The following CNBD1 variants were observed in gnomAD, a reference collection of about 807,000 sequenced individuals.
The protein encoded by CNBD1 is cyclic nucleotide-binding domain-containing protein 1.
In CNBD1, 71 loss-of-function variants were observed where a neutral mutation model predicts 54.4. The ratio of observed to expected loss-of-function variants is 1.30; its 90% CI spans 1.08 to 1.59. The LOEUF (loss-of-function observed/expected upper bound fraction) is 1.59. Among genes scored for constraint, CNBD1 ranks in the 40% most tolerant of loss-of-function variants. The pLI, the probability that CNBD1 is intolerant of heterozygous loss-of-function variation, is 0.00. For missense variants in CNBD1, 659 were observed against 518.0 expected (o/e 1.27, Z -2.64); for synonymous variants, 182 against 170.7 (o/e 1.07, Z -0.51).
intron 6 of CNBD1, among the ~76,000 whole-genome samples, chr8:87,266,912 TGAAAG>T (rs1157705370): frequency 6.6e-6 from 1 of 152,030 alleles, no homozygotes; most frequent in African/African-American, 2.4e-5. Context: ...TGCCTAATGA[TGAAAG>T]GAAAGACTTC....
chr8:87,173,000 T>A (rs1179659201), intron 4 of CNBD1, among the ~76,000 whole-genome samples: 1 of 152,124 alleles, frequency 6.6e-6, no homozygotes, highest in East Asian at 1.9e-4. Flanking sequence ...TCTGGTCATA[T>A]GATTTAATTT....
chr8:86,880,714 C>T (rs945043003), intron 1 of CNBD1, among the ~76,000 whole-genome samples: 1 of 151,946 alleles, frequency 6.6e-6, no homozygotes, highest in South Asian at 2.1e-4. Flanking sequence ...GTTATAGATA[C>T]AACAACAAAA....
chr8:86,886,318 T>A (rs544083249), intron 1 of CNBD1, among the ~76,000 whole-genome samples: 1 of 152,298 alleles, frequency 6.6e-6, no homozygotes, highest in African/African-American at 2.4e-5. Context: ...AATAAATTAT[T>A]CCATATGACG....
chr8:87,414,554 G>T (rs963447008), intron 2 of CNBD1, among the ~76,000 whole-genome samples: 1 of 151,594 alleles, frequency 6.6e-6, no homozygotes, highest in Non-Finnish European at 1.5e-5. Context: ...ATATGTACTG[G>T]ATATATGTGG....
chr8:87,305,782 G>A (rs913594636), intron 8 of CNBD1, among the ~76,000 whole-genome samples: 2 of 152,074 alleles, frequency 1.3e-5, no homozygotes, highest in Non-Finnish European at 2.9e-5. Flanking sequence ...ATAAACCTAA[G>A]ACTTGAAACT....
intron 4 of CNBD1, among the ~76,000 whole-genome samples, chr8:86,970,921 T>G (rs1808205623): frequency 6.6e-6 from 1 of 152,226 alleles, no homozygotes; most frequent in Admixed American, 6.5e-5. Flanking sequence ...TTAATTTCAG[T>G]TATACGTTTA....
At chr8:87,109,541 T>TTTCTTTCTTTC (rs576791867) in intron 4 of CNBD1, among the ~76,000 whole-genome samples, 1 of 50,116 alleles carries the variant, frequency 2.0e-5, no homozygotes, top group African/African-American at 1.2e-4. Flanking sequence ...TCTTTCTTTC[T>TTTCTTTCTTTC]TTTTTTTTTT....
chr8:87,379,535 T>C (rs888689457), intron 10 of CNBD1, among the ~76,000 whole-genome samples: 1 of 151,922 alleles, frequency 6.6e-6, no homozygotes. Flanking sequence ...AACTATCTCT[T>C]GTTTGTTAAA....
At chr8:87,066,341 A>C (rs1387636378) in intron 4 of CNBD1, among the ~76,000 whole-genome samples, 1 of 151,930 alleles carries the variant, frequency 6.6e-6, no homozygotes, top group African/African-American at 2.4e-5. Context: ...ACATAGTTAC[A>C]CTACCCCAGT....
chr8:86,941,997 A>G (rs572382721), intron 4 of CNBD1, among the ~76,000 whole-genome samples: 2 of 152,322 alleles, frequency 1.3e-5, no homozygotes, highest in South Asian at 4.1e-4. Flanking sequence ...TTGACATGGC[A>G]AAACTCACTG....
intron 8 of CNBD1, among the ~76,000 whole-genome samples, chr8:87,339,379 G>C (rs1015615094): frequency 6.6e-6 from 1 of 151,962 alleles, no homozygotes; most frequent in Non-Finnish European, 1.5e-5. Flanking sequence ...CTACGCTCGC[G>C]TCATTTCCCA....
At chr8:87,087,257 A>ATG (rs1369304684) in intron 4 of CNBD1, among the ~76,000 whole-genome samples, 1 of 142,032 alleles carries the variant, frequency 7.0e-6, no homozygotes, top group African/African-American at 2.7e-5. Context: ...GTATATATAT[A>ATG]TATACATATA....
chr8:86,970,983 C>A (rs754819084), intron 4 of CNBD1, among the ~76,000 whole-genome samples: 1 of 152,034 alleles, frequency 6.6e-6, no homozygotes, highest in Non-Finnish European at 1.5e-5. Flanking sequence ...CAGTTCTTTG[C>A]CAAAAATCTT....
chr8:86,877,425 T>C (rs1388291705), intron 1 of CNBD1, among the ~76,000 whole-genome samples: 3 of 152,176 alleles, frequency 2.0e-5, no homozygotes, highest in African/African-American at 7.2e-5. Context: ...CCAAATAATA[T>C]CTCTGAGGTT....
chr8:87,146,873 G>T (rs924444906), intron 4 of CNBD1, among the ~76,000 whole-genome samples: 42 of 151,852 alleles, frequency 2.8e-4, no homozygotes, highest in African/African-American at 9.0e-4. Flanking sequence ...TTTTAACCAA[G>T]GTATGTGTAT....
chr8:87,147,426 T>G (rs1029812495), intron 4 of CNBD1, among the ~76,000 whole-genome samples: 2 of 152,076 alleles, frequency 1.3e-5, no homozygotes, highest in African/African-American at 4.8e-5. Context: ...GAATTAATAC[T>G]TTATTTTTTT....
intron 8 of CNBD1, among the ~76,000 whole-genome samples, chr8:87,342,307 G>A (rs971062672): frequency 1.3e-5 from 2 of 151,388 alleles, no homozygotes; most frequent in Non-Finnish European, 2.9e-5. Flanking sequence ...ACTCATCTGT[G>A]TACTCTTGTT....
chr8:86,900,687 T>A (rs193025922), intron 2 of CNBD1, among the ~76,000 whole-genome samples: 6 of 152,128 alleles, frequency 3.9e-5, no homozygotes, highest in African/African-American at 1.2e-4. Context: ...TAAAAAAAAA[T>A]GAAAGGTTTA....
At chr8:87,036,594 TAA>T (rs58299323) in intron 4 of CNBD1, among the ~76,000 whole-genome samples, 85 of 64,738 alleles carry the variant, frequency 1.3e-3, no homozygotes, top group Non-Finnish European at 1.5e-3. Context: ...ACTGCATCTC[TAA>T]AAAAAAAAAA....
Sources: allele counts gnomAD v4.1 joint callset (sites outside exome capture counted in the v4.1 genomes callset), GRCh38; gene constraint gnomAD v4.1.1; transcripts MANE v1.5; gene names NCBI Gene and HGNC (gene_info 2026-07-23, HGNC 2026-07-21).